Variants in ZNF141 observed in about 807,000 individuals in gnomAD.
The protein encoded by ZNF141 is zinc finger protein 141 (clone pHZ-44).
A neutral mutation model predicts 11.3 loss-of-function variants in ZNF141; 7 were observed. That is an observed-to-expected ratio of 0.62 (90% CI 0.35 to 1.16). ZNF141 has a LOEUF of 1.16. Among genes scored for constraint, ZNF141 ranks in the 50% most tolerant of loss-of-function variants. The probability of loss-of-function intolerance (pLI) is 0.02; values close to 1 mark genes in which losing one functional copy is unlikely to be tolerated. For missense variants in ZNF141, 535 were observed against 554.0 expected (o/e 0.97, Z 0.34); for synonymous variants, 183 against 190.7 (o/e 0.96, Z 0.33).
Position 381,603 on chromosome 4 carries a change from T to C in ZNF141, c.*7741T>C, listed in dbSNP as rs1712621151. Among the ~76,000 whole-genome samples the C allele has an allele frequency of 6.6e-6, 1 of 151,404 alleles. No homozygotes were observed. Among genetic ancestry groups the C allele is most frequent in the Non-Finnish European group, 1.5e-5 (1 of 67,906 alleles). On this transcript the variant is annotated 3_prime_UTR_variant, in exon 4 of 4. Coordinates refer to ENST00000240499, the MANE Select transcript of ZNF141 (RefSeq NM_003441.4). ...TTTTGTATTTTTAGTAGAGACGGGGTTTCACCATGTTGGCCAGGCTGGTCT... is the reference window on the plus strand; with the variant it reads ...TTTTGTATTTTTAGTAGAGACGGGGCTTCACCATGTTGGCCAGGCTGGTCT...
chr4:346,894 C>CACACACACACA lies in ZNF141; in HGVS notation c.226+2464_226+2465insACACACACACA, dbSNP rs1553849669. Among the ~76,000 whole-genome samples, 38 of 81,472 alleles carry CACACACACACA rather than the reference C, an allele frequency of 4.7e-4. 4 individuals are homozygous for CACACACACACA. Among genetic ancestry groups the CACACACACACA allele is most frequent in the Admixed American group, 2.2e-3 (21 of 9,586 alleles). The allele number at this position is 81,472 out of a possible 152,430, so 53.4% of individuals were successfully genotyped here. ...ATATATGTATACACACACACACACA[C>CACACACACACA]CGCCCCCCCCATATATTGGCTACTG... On this transcript the variant is annotated intron_variant, in intron 3 of 3. Transcript: ENST00000240499.
intron 3 of ZNF141, among the ~76,000 whole-genome samples, chr4:348,983 A>G (rs904016872): frequency 5.3e-5 from 8 of 152,064 alleles, no homozygotes; most frequent in Non-Finnish European, 8.8e-5. Flanking sequence ...ACTTTCTGTC[A>G]TTGATATCTT....
chr4:360,615 G>T (rs1186500722), intron 3 of ZNF141, among the ~76,000 whole-genome samples: 1 of 151,786 alleles, frequency 6.6e-6, no homozygotes, highest in Non-Finnish European at 1.5e-5. Flanking sequence ...TTACTTTTTT[G>T]TGTGTTTTTA....
At position 383,625 on chromosome 4, in the gene ZNF141, A is replaced by C; in HGVS notation, c.*9763A>C. 2 of 150,958 alleles carry C rather than the reference A, an allele frequency of 1.3e-5. No individual in the cohort carries two copies. The highest frequency in any genetic ancestry group is 6.6e-5 in the Admixed American group (1 of 15,206). 9.4% of individuals were successfully genotyped at this position (150,958 alleles called of 1,614,324 possible). A position where few individuals can be genotyped will look rare whatever the true frequency, so the allele number is the denominator to read the frequency against. On this transcript the variant is annotated 3_prime_UTR_variant, in exon 4 of 4. Coordinates refer to ENST00000240499, the MANE Select transcript of ZNF141 (RefSeq NM_003441.4). ...AGTTAACGTGAACTTCCTACATCTA[A>C]ACCAAAAGGAAAGACCTCATCTACA...
chr4:348,003 C>T (rs911221036), intron 3 of ZNF141, among the ~76,000 whole-genome samples: 9 of 151,790 alleles, frequency 5.9e-5, no homozygotes, highest in African/African-American at 2.2e-4. Flanking sequence ...TGCCACCATG[C>T]CCAGCTAATT....
chr4:360,986 G>A (rs539431102), intron 3 of ZNF141, among the ~76,000 whole-genome samples: 5 of 152,076 alleles, frequency 3.3e-5, no homozygotes, highest in Non-Finnish European at 5.9e-5. Context: ...TTTATTGTTT[G>A]ATTATATATT....
intron 3 of ZNF141, among the ~76,000 whole-genome samples, chr4:364,751 C>T (rs1479821751): frequency 2.0e-5 from 3 of 152,186 alleles, no homozygotes; most frequent in South Asian, 2.1e-4. Flanking sequence ...TCGACTCCTA[C>T]TGGGAGATGT....
chr4:337,956 G>T lies in ZNF141; in HGVS notation c.-28G>T. 1 of 1,612,732 alleles carries T rather than the reference G, an allele frequency of 6.2e-7. No individual in the cohort carries two copies. The highest frequency in any genetic ancestry group is 8.5e-7 in the Non-Finnish European group (1 of 1,179,096). On this transcript the variant is annotated 5_prime_UTR_variant, in exon 1 of 4. Coordinates refer to ENST00000240499, the MANE Select transcript of ZNF141 (RefSeq NM_003441.4). ...CGGGTATTGGATGATTGGTAGCTAAGACTCCCGAATACTTCAGAAGTGGGG... is the reference window on the plus strand; with the variant it reads ...CGGGTATTGGATGATTGGTAGCTAATACTCCCGAATACTTCAGAAGTGGGG...
chr4:363,759 A>C (rs1553852558), intron 3 of ZNF141, among the ~76,000 whole-genome samples: 1 of 138,122 alleles, frequency 7.2e-6, no homozygotes, highest in Non-Finnish European at 1.6e-5. Flanking sequence ...CTCTGTCTCC[A>C]AAAAAAAAAA....
Position 375,548 on chromosome 4 carries a change from C to G in ZNF141, c.*1686C>G, listed in dbSNP as rs1415638893. On this transcript the variant is annotated 3_prime_UTR_variant, in exon 4 of 4. Coordinates refer to ENST00000240499, the MANE Select transcript of ZNF141 (RefSeq NM_003441.4). ...ACAGTAGAAAGAACTAAGGAACTAA[C>G]ACTTTAGACACTGCAGTAAATCAGA... is the stretch of plus-strand genomic sequence containing the variant. 2.0e-5 allele frequency among the ~76,000 whole-genome samples: 3 copies of G among 151,916 alleles called. No individual in the cohort carries two copies. The highest frequency in any genetic ancestry group is 7.2e-5 in the African/African-American group (3 of 41,380).
chr4:358,782 G>A (rs1721972908), intron 3 of ZNF141, among the ~76,000 whole-genome samples: 1 of 151,826 alleles, frequency 6.6e-6, no homozygotes, highest in Non-Finnish European at 1.5e-5. Flanking sequence ...CACCATGTTG[G>A]CCAGGATGGT....
rs145124146 is a variant in ZNF141, at chr4:379,724, A to G, written c.*5862A>G. On this transcript the variant is annotated 3_prime_UTR_variant, in exon 4 of 4. Transcript: ENST00000240499. Reference sequence around the variant, plus strand: ...GCACAAAAACTATATATTTTTTATAATACTCAAGTTGTTTGACAAAGATAC... The same window carrying G: ...GCACAAAAACTATATATTTTTTATAGTACTCAAGTTGTTTGACAAAGATAC... Among the ~76,000 whole-genome samples, 35 of 152,338 alleles carry G rather than the reference A, an allele frequency of 2.3e-4. No homozygotes were observed. Among genetic ancestry groups the G allele is most frequent in the Middle Eastern group, 6.8e-3 (2 of 294 alleles).
chr4:363,858 A>C (rs1711598174), intron 3 of ZNF141, among the ~76,000 whole-genome samples: 1 of 151,950 alleles, frequency 6.6e-6, no homozygotes, highest in African/African-American at 2.4e-5. Flanking sequence ...ATTTTGAGAT[A>C]CGTTCCATCA....
intron 3 of ZNF141, among the ~76,000 whole-genome samples, chr4:365,241 C>T (rs1711683964): frequency 6.6e-6 from 1 of 152,236 alleles, no homozygotes; most frequent in Admixed American, 6.5e-5. Context: ...TCTGTCACAG[C>T]TTCCCTTGGC....
chr4:383,331 TTATGC>T lies in ZNF141; in HGVS notation c.*9470_*9474del. 3.4e-6 allele frequency: 2 copies of T among 580,066 alleles called. No individual in the cohort carries two copies. Among genetic ancestry groups the T allele is most frequent in the Non-Finnish European group, 6.1e-6 (2 of 329,166 alleles). 35.9% of individuals were successfully genotyped at this position (580,066 alleles called of 1,614,324 possible). A position where few individuals can be genotyped will look rare whatever the true frequency, so the allele number is the denominator to read the frequency against. The stretch of plus-strand genomic sequence containing the variant: ...CCTGAGCTAGTATGTTTCGGGATTG[TTATGC>T]AGTTATAAGTTAGTAATATATACAC... On this transcript the variant is annotated 3_prime_UTR_variant, in exon 4 of 4. Transcript: ENST00000240499.
At chr4:363,463 G>T (rs1392246613) in intron 3 of ZNF141, among the ~76,000 whole-genome samples, 2 of 152,138 alleles carry the variant, frequency 1.3e-5, no homozygotes, top group African/African-American at 4.8e-5. Context: ...GTTTTCAAAG[G>T]GAATGCTTCC....
In ZNF141 at chr4:374,633, A is replaced by G. The variant is rs574892920; in HGVS notation, c.*771A>G. 1 of 154,586 alleles carries G rather than the reference A, an allele frequency of 6.5e-6. No homozygotes were observed. Among genetic ancestry groups the G allele is most frequent in the East Asian group, 1.9e-4 (1 of 5,312 alleles). 9.6% of individuals were successfully genotyped at this position (154,586 alleles called of 1,614,324 possible). A position where few individuals can be genotyped will look rare whatever the true frequency, so the allele number is the denominator to read the frequency against. On this transcript the variant is annotated 3_prime_UTR_variant, in exon 4 of 4. Coordinates refer to ENST00000240499, the MANE Select transcript of ZNF141 (RefSeq NM_003441.4). ...AGTAGAAGATTCATTCCACAAACTT[A>G]CATTGAGAAGATATGAAAGATGAAT...
rs782114521 is a variant in ZNF141 at position 383,055 on chromosome 4, C to T, written c.*9193C>T. On this transcript the variant is annotated 3_prime_UTR_variant, in exon 4 of 4. Coordinates refer to ENST00000240499, the MANE Select transcript of ZNF141 (RefSeq NM_003441.4). ...TGGCACAGGGTGCCAGTTTGGGGCCCAGGTTTAAAGGTCCTAAATGCTTCT... is the reference window on the plus strand; with the variant it reads ...TGGCACAGGGTGCCAGTTTGGGGCCTAGGTTTAAAGGTCCTAAATGCTTCT... The T allele has an allele frequency of 6.3e-6, 4 of 637,792 alleles. No homozygotes were observed. In the African/African-American group the frequency reaches 7.3e-5, roughly 12 times the overall value. The allele number at this position is 637,792 out of a possible 1,614,324, so 39.5% of individuals were successfully genotyped here. A position where few individuals can be genotyped will look rare whatever the true frequency, so the allele number is the denominator to read the frequency against.
chr4:373,977 A>C lies in ZNF141; in HGVS notation c.*115A>C, dbSNP rs994490521. 98 of 946,922 alleles carry C rather than the reference A, an allele frequency of 1.0e-4. No homozygotes were observed. The highest frequency in any genetic ancestry group is 1.5e-4 in the Non-Finnish European group (91 of 617,426). 58.7% of individuals were successfully genotyped at this position (946,922 alleles called of 1,614,324 possible). A position where few individuals can be genotyped will look rare whatever the true frequency, so the allele number is the denominator to read the frequency against. ...CCCTGGAAATGTGAAGAACGTGGCA[A>C]AGTTCTTTACCTCATTCTCAAACCT... On this transcript the variant is annotated 3_prime_UTR_variant, in exon 4 of 4. Coordinates refer to ENST00000240499, the MANE Select transcript of ZNF141 (RefSeq NM_003441.4).
Sources: gnomAD v4.1 joint callset for allele counts (sites outside exome capture counted in the v4.1 genomes callset) on GRCh38, gnomAD v4.1.1 for gene constraint, MANE v1.5 for transcripts, NCBI Gene and HGNC (gene_info 2026-07-23, HGNC 2026-07-21) for gene names.